The following LRP4 variants were observed in gnomAD, a reference collection of about 807,000 sequenced individuals.
LRP4 encodes low-density lipoprotein receptor-related protein 4.
Under a neutral mutation model 220.3 loss-of-function variants are expected in LRP4, and 95 were observed. The observed-to-expected ratio is 0.43, with a 90% confidence interval of 0.37 to 0.51. LRP4 has a LOEUF of 0.51. Ranked by LOEUF, LRP4 falls within the 20% of genes least tolerant of loss-of-function variation. The probability of loss-of-function intolerance (pLI) is 0.00; values close to 1 mark genes in which losing one functional copy is unlikely to be tolerated. For missense variants in LRP4, 1,925 were observed against 2,567.0 expected (o/e 0.75, Z 5.40); for synonymous variants, 903 against 954.6 (o/e 0.95, Z 1.00).
At chr11:46,888,548 C>CAAAAAAAAAAAAAAAAAAAA (rs71042635) in intron 16 of LRP4, among the ~76,000 whole-genome samples, 5 of 31,312 alleles carry the variant, frequency 1.6e-4, no homozygotes, top group Non-Finnish European at 2.2e-4. Flanking sequence ...AAAACTGTCT[C>CAAAAAAAAAAAAAAAAAAAA]AAAAAAAAAA....
At chr11:46,891,017 A>G (rs1459878420) in intron 13 of LRP4, among the ~76,000 whole-genome samples, 3 of 152,268 alleles carry the variant, frequency 2.0e-5, no homozygotes, top group Admixed American at 6.5e-5. Context: ...GAAATCTAGC[A>G]GTGAACAAAA....
At chr11:46,884,803 C>T (rs911732412) in intron 18 of LRP4, among the ~76,000 whole-genome samples, 4 of 149,512 alleles carry the variant, frequency 2.7e-5, no homozygotes, top group African/African-American at 7.4e-5. Context: ...CCCAGCTACT[C>T]GGGAGGCTGA....
chr11:46,899,036 G>C lies in LRP4; in HGVS notation c.548-4C>G. On this transcript the variant is annotated splice_polypyrimidine_tract_variant and splice_region_variant and intron_variant, in intron 5 of 37. Transcript: ENST00000378623. The surrounding 1 kb of genome is among the most constrained non-coding windows in gnomAD (Gnocchi z 5.9). ...GGGGGCGCTGGCACTGCTGAGGCTG[G>C]AGGGAAGGCAGGGGTGGGGAGGGGC... 1 of 1,610,954 alleles carries C rather than the reference G, an allele frequency of 6.2e-7. No individual in the cohort carries two copies. The highest frequency in any genetic ancestry group is 8.5e-7 in the Non-Finnish European group (1 of 1,178,106).
rs143717815 is a variant in LRP4 at position 46,868,013 on chromosome 11, G to A, written c.5053C>T (p.Arg1685Trp). 2.4e-5 allele frequency: 39 copies of A among 1,613,992 alleles called. No individual in the cohort carries two copies. Among genetic ancestry groups the A allele is most frequent in the Middle Eastern group, 1.6e-4 (1 of 6,082 alleles). Residue 1685 changes from arginine (R) to tryptophan (W), a missense_variant, in exon 34 of 38, where the codon CGG (arginine) becomes TGG (tryptophan). Transcript: ENST00000378623. ...ACCTCCTCCAGAGACGTGCGGGTCC[G>A]GGTGGTTGAAGAATACAAGGTGGTA... ...PPTTLYSSTT[R>W]TRTSLEEVEG...
chr11:46,872,009 G>C (rs969399224), intron 30 of LRP4, among the ~76,000 whole-genome samples: 1 of 152,198 alleles, frequency 6.6e-6, no homozygotes, highest in Non-Finnish European at 1.5e-5. Context: ...TGTAATCCCA[G>C]CACTTTGGGA....
intron 1 of LRP4, among the ~76,000 whole-genome samples, chr11:46,916,172 C>T (rs1352446832): frequency 2.6e-5 from 4 of 152,136 alleles, no homozygotes; most frequent in African/African-American, 4.8e-5. Context: ...GACACAGTGG[C>T]TCACACCTGT....
intron 1 of LRP4, among the ~76,000 whole-genome samples, chr11:46,908,587 G>A (rs757242678): frequency 8.5e-5 from 13 of 152,142 alleles, no homozygotes; most frequent in Non-Finnish European, 1.3e-4. Flanking sequence ...AAACCCCAAG[G>A]TCAAAAGGGG....
intron 2 of LRP4, among the ~76,000 whole-genome samples, chr11:46,902,567 G>T (rs1941687131): frequency 6.6e-6 from 1 of 152,100 alleles, no homozygotes; most frequent in Admixed American, 6.5e-5. Flanking sequence ...TGTTTTCTTG[G>T]ACATATATGC....
rs1940965748 is a variant in LRP4, at chr11:46,874,844, C to A, written c.4185G>T (p.Val1395=). ...NNVISLDYDS[V]DGKVYYTDVF... is the part of the protein sequence containing the mutation. ...CATCTGTGTAATAGACCTTTCCATC[C>A]ACGCTGTCATAGTCCAGGGAGATGA... Residue 1395 remains valine (V), a synonymous_variant, in exon 28 of 38, where the codon GTG becomes GTT. Coordinates refer to ENST00000378623, the MANE Select transcript of LRP4 (RefSeq NM_002334.4). 2 of 1,614,032 alleles carry A rather than the reference C, an allele frequency of 1.2e-6. No individual in the cohort carries two copies. Among genetic ancestry groups the A allele is most frequent in the Non-Finnish European group, 1.7e-6 (2 of 1,179,916 alleles).
intron 20 of LRP4, among the ~76,000 whole-genome samples, chr11:46,880,406 G>A (rs1427892987): frequency 1.3e-5 from 2 of 151,056 alleles, no homozygotes; most frequent in Non-Finnish European, 2.9e-5. Flanking sequence ...TTCAAGACTA[G>A]CCTAGACAAC....
At chr11:46,883,707 G>T (rs1254236136) in intron 19 of LRP4, among the ~76,000 whole-genome samples, 164 bp downstream of exon 19, 1 of 152,176 alleles carries the variant, frequency 6.6e-6, no homozygotes, top group African/African-American at 2.4e-5. Context: ...GGGTCTCCCC[G>T]ACAGAGCTGG....
At position 46,899,584 on chromosome 11, in the gene LRP4, A is replaced by C; in HGVS notation, c.431-81T>G. 9.5e-6 allele frequency: 10 copies of C among 1,047,398 alleles called. No homozygotes were observed. Among genetic ancestry groups the C allele is most frequent in the African/African-American group, 1.6e-5 (1 of 64,482 alleles). The allele number at this position is 1,047,398 out of a possible 1,614,324, so 64.9% of individuals were successfully genotyped here. A position where few individuals can be genotyped will look rare whatever the true frequency, so the allele number is the denominator to read the frequency against. On this transcript the variant is annotated intron_variant, in intron 4 of 37. Coordinates refer to ENST00000378623, the MANE Select transcript of LRP4 (RefSeq NM_002334.4). The surrounding 1 kb of genome is among the most constrained non-coding windows in gnomAD (Gnocchi z 5.9). The stretch of plus-strand genomic sequence containing the variant: ...ACCCTCCTCTCTGACTCCCAACCTC[A>C]CTGGCTTTGGCGGGTCTGACCTAGC...
chr11:46,896,856 C>G lies in LRP4; in HGVS notation c.922+13G>C, dbSNP rs771013783. On this transcript the variant is annotated intron_variant, in intron 8 of 37. Transcript: ENST00000378623. ...ATAGGCTAAGGGTTCTGGGGCACCCCGGGAGACACCACCTGTATTCTCACA... is the reference window on the plus strand; with the variant it reads ...ATAGGCTAAGGGTTCTGGGGCACCCGGGGAGACACCACCTGTATTCTCACA... The G allele has an allele frequency of 2.5e-6, 4 of 1,614,064 alleles. No homozygotes were observed. The highest frequency in any genetic ancestry group is 2.2e-5 in the South Asian group (2 of 91,072).
In LRP4 at chr11:46,885,772, CA is replaced by C. The variant is rs34867767; in HGVS notation, c.2506+318del. Among the ~76,000 whole-genome samples, 321 of 57,206 alleles carry C rather than the reference CA, an allele frequency of 5.6e-3. 11 individuals are homozygous for C. Among genetic ancestry groups the C allele is most frequent in the African/African-American group, 9.7e-3 (170 of 17,502 alleles). The allele number at this position is 57,206 out of a possible 152,430, so 37.5% of individuals were successfully genotyped here. A position where few individuals can be genotyped will look rare whatever the true frequency, so the allele number is the denominator to read the frequency against. ...CTGGCGACAGAGCAAGACTCCGCCT[CA>C]AAAAAAAAAAAAAAAAAAGGCTGAT... On this transcript the variant is annotated intron_variant, in intron 18 of 37. Transcript: ENST00000378623.
At chr11:46,892,442 C>T (rs1051811373) in intron 13 of LRP4, among the ~76,000 whole-genome samples, 50 of 151,780 alleles carry the variant, frequency 3.3e-4, no homozygotes, top group Admixed American at 3.9e-4. Flanking sequence ...TTTTTAATCA[C>T]CAATTTAGAA....
chr11:46,908,057 G>A (rs1941790496), intron 1 of LRP4, among the ~76,000 whole-genome samples: 1 of 151,846 alleles, frequency 6.6e-6, no homozygotes, highest in Non-Finnish European at 1.5e-5. Context: ...TCAGCCTCCT[G>A]AGTAGCTGGG....
At chr11:46,882,002 CT>C (rs571924598) in intron 19 of LRP4, 99 bp from the exon 20 acceptor site, 41 of 1,113,452 alleles carry the variant, frequency 3.7e-5, no homozygotes, top group Non-Finnish European at 5.5e-5. Context: ...GAAGCAGATC[CT>C]CATCAGCCTC....
chr11:46,862,756 G>A lies in LRP4; in HGVS notation c.5244-9C>T. The A allele has an allele frequency of 6.2e-7, 1 of 1,613,698 alleles. No individual in the cohort carries two copies. Among genetic ancestry groups the A allele is most frequent in the East Asian group, 2.2e-5 (1 of 44,870 alleles). ...ACTTGGATTTTTTGTGTCTTTAGGA[G>A]GGAAGGTGATGAGAAATTAGTCGAG... On this transcript the variant is annotated splice_polypyrimidine_tract_variant and intron_variant, in intron 36 of 37. Coordinates refer to ENST00000378623, the MANE Select transcript of LRP4 (RefSeq NM_002334.4).
At position 46,858,691 on chromosome 11, in the gene LRP4, G is replaced by A. The variant is rs923538709; in HGVS notation, c.*292C>T. 1.1e-5 allele frequency: 5 copies of A among 439,818 alleles called. No individual in the cohort carries two copies. The highest frequency in any genetic ancestry group is 2.1e-5 in the South Asian group (1 of 48,694). 27.2% of individuals were successfully genotyped at this position (439,818 alleles called of 1,614,324 possible). On this transcript the variant is annotated 3_prime_UTR_variant, in exon 38 of 38. Coordinates refer to ENST00000378623, the MANE Select transcript of LRP4 (RefSeq NM_002334.4). ...GGGGAAAGGGGAGGTGGAGCTCTAC[G>A]CTGGTGAGGAATCACGAATAAGCAG...
Sources: gnomAD v4.1 joint callset for allele counts (sites outside exome capture counted in the v4.1 genomes callset) on GRCh38, gnomAD v4.1.1 for gene constraint, Gnocchi (gnomAD v3.1) non-coding constraint, MANE v1.5 for transcripts, NCBI Gene and HGNC (gene_info 2026-07-23, HGNC 2026-07-21) for gene names.